Variants in BIN2 observed in about 807,000 individuals in gnomAD.
The protein encoded by BIN2 is bridging integrator 2.
BIN2 carries 43 observed loss-of-function variants against 67.9 expected under a neutral mutation model. The ratio of observed to expected loss-of-function variants is 0.63; its 90% CI spans 0.50 to 0.82. BIN2 has a LOEUF of 0.82. BIN2 is among the 40% of genes least tolerant of loss of function. The pLI is 0.00. For missense variants in BIN2, 581 were observed against 671.6 expected (o/e 0.87, Z 1.49); for synonymous variants, 244 against 246.8 (o/e 0.99, Z 0.11).
At chr12:51,300,494 C>T (rs4761832) in intron 5 of BIN2, among the ~76,000 whole-genome samples, 28,342 of 151,954 alleles carry the variant, frequency 0.19, 2,790 homozygotes, top group South Asian at 0.23. Context: ...CTCAGTAGCC[C>T]CATCTCCCCT....
intron 5 of BIN2, among the ~76,000 whole-genome samples, chr12:51,300,404 A>G (rs1483020259): frequency 1.3e-5 from 2 of 152,318 alleles, no homozygotes; most frequent in South Asian, 4.1e-4. Context: ...ATGAAAGTGA[A>G]AGTCTGGATT....
chr12:51,310,853 G>GACTC (rs932319088), intron 2 of BIN2, among the ~76,000 whole-genome samples: 20 of 150,450 alleles, frequency 1.3e-4, no homozygotes, highest in Admixed American at 4.0e-4. Context: ...CTCGACCTGA[G>GACTC]ACTCAGTCAG....
In BIN2 at chr12:51,302,071, G is replaced by C. The variant is rs1200952780; in HGVS notation, c.357C>G (p.Asp119Glu). 6 of 1,613,552 alleles carry C rather than the reference G, an allele frequency of 3.7e-6. No homozygotes were observed. The highest frequency in any genetic ancestry group is 5.1e-6 in the Non-Finnish European group (6 of 1,179,672). The change falls in exon 5 of 13, where the codon GAC becomes GAG. Residue 119 changes from aspartate (D) to glutamate (E), a missense_variant. Asp to Glu is a conservative substitution (Grantham distance 45). Coordinates refer to ENST00000615107, the MANE Select transcript of BIN2 (RefSeq NM_016293.4). ...AGATTTCCATGGTCCTTACAGCCTG[G>C]TCAGCCAGTTTCTCCTCGTAGTCTT... ...LWEDYEEKLA[D>E]QAVRTMEIYV...
chr12:51,291,878 T>A lies in BIN2; in HGVS notation c.1228A>T (p.Thr410Ser), dbSNP rs375546781. ...GGAGGCCTACTAGGGGGTGCTGAGG[T>A]CCTCTGGATAGAGGCTCTCTTCTTT... ...QPKKRASIQRTSAPPSRPPPP... is the reference protein window; with the variant it reads ...QPKKRASIQRSSAPPSRPPPP... Residue 410 changes from threonine (T) to serine (S), a missense_variant, in exon 10 of 13, where the codon ACC becomes TCC. Coordinates refer to ENST00000615107, the MANE Select transcript of BIN2 (RefSeq NM_016293.4). 3 of 1,614,000 alleles carry A rather than the reference T, an allele frequency of 1.9e-6. No homozygotes were observed. In the African/African-American group the frequency reaches 4.0e-5, roughly 22 times the overall value.
At chr12:51,300,904 G>C (rs1048045764) in intron 5 of BIN2, among the ~76,000 whole-genome samples, 1 of 152,122 alleles carries the variant, frequency 6.6e-6, no homozygotes, top group Non-Finnish European at 1.5e-5. Context: ...GAATCAGCAC[G>C]GTGCTTGACA....
intron 10 of BIN2, among the ~76,000 whole-genome samples, chr12:51,289,524 A>G (rs1308411345): frequency 6.6e-6 from 1 of 152,032 alleles, no homozygotes; most frequent in Non-Finnish European, 1.5e-5. Flanking sequence ...CTAAGGAGGG[A>G]AGATCACTGG....
intron 5 of BIN2, among the ~76,000 whole-genome samples, chr12:51,301,509 T>C (rs1233906172): frequency 1.1e-4 from 16 of 152,058 alleles, no homozygotes; most frequent in Non-Finnish European, 4.4e-5. Context: ...TCTAAGTTTA[T>C]TTTATTTATT....
intron 2 of BIN2, among the ~76,000 whole-genome samples, chr12:51,313,458 C>A (rs1047165300): frequency 1.3e-5 from 2 of 151,924 alleles, no homozygotes; most frequent in Non-Finnish European, 2.9e-5. Context: ...CCTGCCTCAG[C>A]CTGCCGAGTA....
chr12:51,297,192 T>C, intron 7 of BIN2, 28 bp from the exon 8 acceptor site: 1 of 1,588,290 alleles, frequency 6.3e-7, no homozygotes, highest in Middle Eastern at 1.7e-4. Flanking sequence ...CACAAACACA[T>C]ACGAGTAAGG....
chr12:51,287,623 A>G (rs4991749), intron 11 of BIN2, among the ~76,000 whole-genome samples: 142,878 of 151,864 alleles, frequency 0.94, 67,841 homozygotes, highest in East Asian at 1. Flanking sequence ...TTACAGGCGT[A>G]AGCCACTGCA....
chr12:51,293,402 C>T (rs529872161), intron 9 of BIN2, among the ~76,000 whole-genome samples: 67 of 152,262 alleles, frequency 4.4e-4, no homozygotes, highest in Non-Finnish European at 6.9e-4. Flanking sequence ...CTCTGACTCC[C>T]GGGTTCATGC....
At chr12:51,321,626 C>T (rs570430284) in intron 1 of BIN2, among the ~76,000 whole-genome samples, 1 of 152,144 alleles carries the variant, frequency 6.6e-6, no homozygotes, top group South Asian at 2.1e-4. Flanking sequence ...CTCGAACTCC[C>T]GACCTCAGGA....
chr12:51,294,257 A>T (rs1269260794), intron 9 of BIN2, among the ~76,000 whole-genome samples: 1 of 152,216 alleles, frequency 6.6e-6, no homozygotes, highest in African/African-American at 2.4e-5. Flanking sequence ...GTATAAGTCC[A>T]TTTATATAAA....
intron 4 of BIN2, 48 bp downstream of exon 4, chr12:51,302,638 C>A: frequency 6.8e-7 from 1 of 1,472,416 alleles, no homozygotes; most frequent in South Asian, 1.1e-5. Flanking sequence ...GGTTGAGATG[C>A]AAACAGGAGT....
At chr12:51,287,419 G>A (rs993849487) in intron 11 of BIN2, among the ~76,000 whole-genome samples, 8 of 149,674 alleles carry the variant, frequency 5.3e-5, no homozygotes, top group African/African-American at 1.7e-4. Flanking sequence ...TGCAACCTCC[G>A]CCTTCTGGGT....
rs1431120612 is a variant in BIN2 at position 51,302,067 on chromosome 12, C to T, written c.361G>A (p.Ala121Thr). 4 of 1,613,786 alleles carry T rather than the reference C, an allele frequency of 2.5e-6. No individual in the cohort carries two copies. The South Asian group carries it at 4.4e-5, about 18-fold the overall frequency. The change falls in exon 5 of 13, where the codon GCT becomes ACT. Residue 121 changes from alanine to threonine, a missense_variant. Coordinates refer to ENST00000615107, the MANE Select transcript of BIN2 (RefSeq NM_016293.4). ...ACATAGATTTCCATGGTCCTTACAGCCTGGTCAGCCAGTTTCTCCTCGTAG... is the reference window on the plus strand; with the variant it reads ...ACATAGATTTCCATGGTCCTTACAGTCTGGTCAGCCAGTTTCTCCTCGTAG... ...EDYEEKLADQAVRTMEIYVAQ... is the reference protein window; with the variant it reads ...EDYEEKLADQTVRTMEIYVAQ...
At chr12:51,309,808 T>C (rs947391033) in intron 2 of BIN2, among the ~76,000 whole-genome samples, 4 of 152,230 alleles carry the variant, frequency 2.6e-5, no homozygotes, top group Admixed American at 2.0e-4. Context: ...TTGTTCTTCC[T>C]GATGGCGCTT....
upstream of BIN2, chr12:51,324,411 C>T: frequency 3.6e-6 from 5 of 1,398,298 alleles, no homozygotes; most frequent in Non-Finnish European, 2.8e-6. Context: ...GGCCCACACT[C>T]ACTCGCTCCG....
chr12:51,315,876 C>T (rs1395411459), intron 1 of BIN2, among the ~76,000 whole-genome samples: 5 of 152,186 alleles, frequency 3.3e-5, no homozygotes, highest in Non-Finnish European at 5.9e-5. Context: ...AGGACCCTCA[C>T]TTATAAACAG....
Sources: gnomAD v4.1 joint callset for allele counts (sites outside exome capture counted in the v4.1 genomes callset) on GRCh38, gnomAD v4.1.1 for gene constraint, MANE v1.5 for transcripts, NCBI Gene and HGNC (gene_info 2026-07-23, HGNC 2026-07-21) for gene names.